The following PTPRD variants were observed in gnomAD, a reference collection of about 807,000 sequenced individuals.
The protein encoded by PTPRD is protein tyrosine phosphatase receptor type D, also known as receptor-type tyrosine-protein phosphatase delta.
PTPRD carries 34 observed loss-of-function variants against 214.5 expected under a neutral mutation model. That is an observed-to-expected ratio of 0.16 (90% confidence interval 0.12 to 0.21). The LOEUF is 0.21. Ranked by LOEUF, PTPRD falls within the 10% of genes least tolerant of loss-of-function variation. The pLI is 1.00. For missense variants in PTPRD, 2,545 were observed against 2,398.7 expected (o/e 1.06, Z -1.27); for synonymous variants, 1,128 against 845.7 (o/e 1.33, Z -5.79).
chr9:8,967,631 G>C (rs2099206064), intron 11 of PTPRD, among the ~76,000 whole-genome samples: 1 of 151,936 alleles, frequency 6.6e-6, no homozygotes. Context: ...AAATTAATGA[G>C]TCACTTAGTA....
At chr9:9,299,603 A>G (rs1042982631) in intron 9 of PTPRD, among the ~76,000 whole-genome samples, 4 of 151,696 alleles carry the variant, frequency 2.6e-5, no homozygotes, top group African/African-American at 9.7e-5. Flanking sequence ...CTTTTTTGAA[A>G]GGTCATATGT....
chr9:8,829,955 T>C (rs1365985403), intron 11 of PTPRD, among the ~76,000 whole-genome samples: 4 of 152,220 alleles, frequency 2.6e-5, no homozygotes, highest in Non-Finnish European at 5.9e-5. Context: ...TATTATAATG[T>C]AGCTGAGACA....
intron 5 of PTPRD, among the ~76,000 whole-genome samples, chr9:9,836,679 C>T (rs2153621159): frequency 6.6e-6 from 1 of 152,224 alleles, no homozygotes; most frequent in Non-Finnish European, 1.5e-5. Context: ...ACAGCATAGA[C>T]TACGTGGGTA....
intron 9 of PTPRD, among the ~76,000 whole-genome samples, chr9:9,206,195 T>C (rs1157480604): frequency 1.3e-5 from 2 of 151,742 alleles, no homozygotes; most frequent in African/African-American, 4.8e-5. Flanking sequence ...GCTGAGTGAG[T>C]GATAGGGAAG....
intron 3 of PTPRD, among the ~76,000 whole-genome samples, chr9:10,212,177 T>C (rs572781950): frequency 1.3e-5 from 2 of 152,118 alleles, no homozygotes; most frequent in East Asian, 3.9e-4. Context: ...TCACTTAATA[T>C]GACCATAAGC....
intron 14 of PTPRD, among the ~76,000 whole-genome samples, chr9:8,553,104 G>C (rs1480167841): frequency 6.6e-6 from 1 of 152,124 alleles, no homozygotes; most frequent in African/African-American, 2.4e-5. Flanking sequence ...TGGCTGCTGG[G>C]TTAAACTTGT....
At chr9:9,342,384 T>C (rs2047140574) in intron 9 of PTPRD, among the ~76,000 whole-genome samples, 1 of 152,086 alleles carries the variant, frequency 6.6e-6, no homozygotes, top group Non-Finnish European at 1.5e-5. Context: ...TTGTTTAAGA[T>C]GATGATACAG....
intron 6 of PTPRD, among the ~76,000 whole-genome samples, chr9:9,739,625 A>G (rs1268315691): frequency 1.3e-5 from 2 of 151,772 alleles, no homozygotes; most frequent in East Asian, 3.9e-4. Flanking sequence ...TCATCAGTTT[A>G]TTTAAAAAAA....
intron 45 of PTPRD, among the ~76,000 whole-genome samples, chr9:8,319,267 C>A (rs1407777383): frequency 6.6e-6 from 1 of 152,186 alleles, no homozygotes; most frequent in Middle Eastern, 3.4e-3. Flanking sequence ...ATAGACCAGA[C>A]TGGCTATATC....
At chr9:9,060,589 G>A (rs529550380) in intron 10 of PTPRD, among the ~76,000 whole-genome samples, 1 of 151,884 alleles carries the variant, frequency 6.6e-6, no homozygotes. Context: ...ACTAAGAGAA[G>A]ATATTTTTCA....
At chr9:9,705,120 G>C (rs1467236493) in intron 7 of PTPRD, among the ~76,000 whole-genome samples, 1 of 152,138 alleles carries the variant, frequency 6.6e-6, no homozygotes, top group Non-Finnish European at 1.5e-5. Flanking sequence ...CGTGAAGCTA[G>C]AAATTCATCC....
chr9:8,437,782 T>TG (rs1243366693), intron 34 of PTPRD, among the ~76,000 whole-genome samples: 1 of 151,754 alleles, frequency 6.6e-6, no homozygotes, highest in Admixed American at 6.6e-5. Context: ...AAAGCAGAGA[T>TG]GGGGTGACAC....
At chr9:8,786,009 C>T (rs1212310349) in intron 11 of PTPRD, among the ~76,000 whole-genome samples, 1 of 151,274 alleles carries the variant, frequency 6.6e-6, no homozygotes, top group Non-Finnish European at 1.5e-5. Flanking sequence ...ACCAGACAGG[C>T]AGTCTGAGAA....
chr9:9,963,181 C>T (rs1268836848), intron 4 of PTPRD, among the ~76,000 whole-genome samples: 1 of 151,860 alleles, frequency 6.6e-6, no homozygotes, highest in Admixed American at 6.6e-5. Flanking sequence ...ATCCATAATA[C>T]AATACTGAGA....
At chr9:9,748,652 C>G (rs927294683) in intron 6 of PTPRD, among the ~76,000 whole-genome samples, 6 of 152,176 alleles carry the variant, frequency 3.9e-5, no homozygotes, top group African/African-American at 1.4e-4. Flanking sequence ...GTCACCCACA[C>G]TACTTGGGAA....
intron 2 of PTPRD, among the ~76,000 whole-genome samples, chr9:10,606,033 T>C (rs536423429): frequency 6.6e-6 from 1 of 151,848 alleles, no homozygotes; most frequent in Non-Finnish European, 1.5e-5. Context: ...AATGTGAATA[T>C]GGTACCTGAA....
At chr9:10,521,871 CATT>C (rs2052431555) in intron 2 of PTPRD, among the ~76,000 whole-genome samples, 1 of 152,108 alleles carries the variant, frequency 6.6e-6, no homozygotes, top group African/African-American at 2.4e-5. Flanking sequence ...TAGTCATAAT[CATT>C]ATATGAAATG....
intron 12 of PTPRD, among the ~76,000 whole-genome samples, chr9:8,672,358 A>T (rs2097303988): frequency 6.6e-6 from 1 of 152,200 alleles, no homozygotes; most frequent in Admixed American, 6.5e-5. Flanking sequence ...TGAGACAGAC[A>T]TTAATTTTCC....
At chr9:9,861,614 C>T (rs1440171630) in intron 5 of PTPRD, among the ~76,000 whole-genome samples, 1 of 152,100 alleles carries the variant, frequency 6.6e-6, no homozygotes, top group African/African-American at 2.4e-5. Context: ...TATCAAAACT[C>T]ATGGAAAGAA....
Sources: allele counts gnomAD v4.1 joint callset (sites outside exome capture counted in the v4.1 genomes callset), GRCh38; gene constraint gnomAD v4.1.1; transcripts MANE v1.5; gene names NCBI Gene and HGNC (gene_info 2026-07-23, HGNC 2026-07-21).